ANK2: variants seen among roughly 807,000 people sequenced by gnomAD.
ANK2 encodes the protein ankyrin-2.
A neutral mutation model predicts 360.5 loss-of-function variants in ANK2; 83 were observed. The observed-to-expected ratio is 0.23, with a 90% CI of 0.19 to 0.28. The LOEUF (loss-of-function observed/expected upper bound fraction) is 0.28. Ranked by LOEUF, ANK2 falls within the 10% of genes least tolerant of loss-of-function variation. The probability of loss-of-function intolerance (pLI) is 1.00; values close to 1 mark genes in which losing one functional copy is unlikely to be tolerated. For synonymous variants in ANK2, 1,740 were observed against 1,759.5 expected, an observed-to-expected ratio of 0.99 and a Z score of 0.28; for missense variants, 4,201 against 4,795.7, an observed-to-expected ratio of 0.88 and a Z score of 3.66.
At chr4:113,050,588 CCTT>C (rs1473769156) in intron 1 of ANK2, among the ~76,000 whole-genome samples, 3 of 152,154 alleles carry the variant, frequency 2.0e-5, no homozygotes, top group African/African-American at 7.2e-5. Flanking sequence ...TGGCCTGACT[CCTT>C]CTGGTAAACT....
intron 4 of ANK2, among the ~76,000 whole-genome samples, chr4:113,224,920 C>G (rs1038008612): frequency 1.4e-5 from 2 of 138,748 alleles, no homozygotes; most frequent in East Asian, 4.2e-4. Flanking sequence ...GTAAGAATTC[C>G]TTTTGAGATG....
chr4:112,788,700 T>C, the ANK2 span: 9 of 1,597,522 alleles, frequency 5.6e-6, no homozygotes, highest in Non-Finnish European at 6.8e-6. Context: ...CAACCTGATA[T>C]AGCGGGGCCA....
At chr4:113,371,644 C>A (rs1484279948) in intron 43 of ANK2, among the ~76,000 whole-genome samples, 1 of 152,198 alleles carries the variant, frequency 6.6e-6, no homozygotes, top group African/African-American at 2.4e-5. Flanking sequence ...ACCCTTATTT[C>A]TCATAACCCT....
At chr4:112,961,323 A>G (rs2034688860) in intron 2 of ANK2, among the ~76,000 whole-genome samples, 1 of 152,164 alleles carries the variant, frequency 6.6e-6, no homozygotes, top group Non-Finnish European at 1.5e-5. Flanking sequence ...AGGAGAATAT[A>G]AGGTATTTTT....
rs546064922 is a variant in ANK2 at position 113,342,660 on chromosome 4, A to T, written c.4123-357A>T. The stretch of plus-strand genomic sequence containing the variant: ...GGTTGCAGTGAGCCAAGATCGCACC[A>T]CTGCACTCCAGCCTGGGCAACAGAG... On this transcript the variant is annotated intron_variant, in intron 33 of 45. Coordinates refer to ENST00000357077, the MANE Select transcript of ANK2 (RefSeq NM_001148.6). 3.9e-5 allele frequency among the ~76,000 whole-genome samples: 6 copies of T among 152,046 alleles called. No homozygotes were observed. In the South Asian group the frequency reaches 1.0e-3, roughly 26 times the overall value.
chr4:113,284,341 A>G (rs1004739866), intron 18 of ANK2, among the ~76,000 whole-genome samples: 4 of 152,216 alleles, frequency 2.6e-5, no homozygotes, highest in Admixed American at 6.5e-5. Flanking sequence ...TGTTTACTCT[A>G]TTAATAACAA....
intron 4 of ANK2, among the ~76,000 whole-genome samples, chr4:113,227,556 A>G (rs983523287): frequency 1.4e-4 from 21 of 152,310 alleles, no homozygotes; most frequent in African/African-American, 5.1e-4. Context: ...GGAGACTCCA[A>G]TTCAGTAGGG....
intron 2 of ANK2, among the ~76,000 whole-genome samples, chr4:112,994,065 G>A (rs1301712213): frequency 6.6e-6 from 1 of 152,138 alleles, no homozygotes; most frequent in Non-Finnish European, 1.5e-5. Flanking sequence ...TTGACAGTCT[G>A]GAACATCTCA....
intron 1 of ANK2, among the ~76,000 whole-genome samples, chr4:113,132,450 A>G (rs1398438197): frequency 6.6e-6 from 1 of 152,208 alleles, no homozygotes; most frequent in East Asian, 1.9e-4. Context: ...GATCCTTTTA[A>G]TAAGTATGTG....
At chr4:113,253,864 C>A (rs773674943) in intron 10 of ANK2, among the ~76,000 whole-genome samples, 1 of 152,156 alleles carries the variant, frequency 6.6e-6, no homozygotes, top group Admixed American at 6.5e-5. Context: ...CCAACAGCAC[C>A]CCATGTCTCT....
chr4:112,982,779 A>G (rs1403708804), intron 2 of ANK2, among the ~76,000 whole-genome samples: 1 of 152,184 alleles, frequency 6.6e-6, no homozygotes, highest in Non-Finnish European at 1.5e-5. Context: ...TATACTACTA[A>G]GAACATACTG....
chr4:113,357,994 G>T lies in ANK2; in HGVS notation c.9376G>T (p.Asp3126Tyr). ...TGATATGACCAAAAGGTCCTATGCA[G>T]ATGAAAGTTTTCACTTTTTCCAAAT... ...AIDMTKRSYA[D>Y]ESFHFFQIGQ... is the part of the protein sequence containing the mutation. Residue 3126 changes from aspartate to tyrosine, a missense_variant, in exon 38 of 46, where the codon GAT becomes TAT. Physicochemically the swap from Asp to Tyr is radical, Grantham distance 160. Coordinates refer to ENST00000357077, the MANE Select transcript of ANK2 (RefSeq NM_001148.6). 1 of 1,614,042 alleles carries T rather than the reference G, an allele frequency of 6.2e-7. No homozygotes were observed. Among genetic ancestry groups the T allele is most frequent in the East Asian group, 2.2e-5 (1 of 44,846 alleles).
intron 1 of ANK2, among the ~76,000 whole-genome samples, chr4:112,863,694 T>C (rs149011432): frequency 0.015 from 2,350 of 151,944 alleles, 59 homozygotes; most frequent in African/African-American, 0.051. Flanking sequence ...GGCTAATTTT[T>C]TGTATTTTTA....
At chr4:112,911,851 T>G (rs1034509471) in intron 2 of ANK2, among the ~76,000 whole-genome samples, 1 of 152,214 alleles carries the variant, frequency 6.6e-6, no homozygotes, top group African/African-American at 2.4e-5. Context: ...TAATTGATTA[T>G]TGTGTTAATA....
intron 1 of ANK2, among the ~76,000 whole-genome samples, chr4:112,837,564 G>A (rs923114318): frequency 3.3e-5 from 5 of 152,194 alleles, no homozygotes; most frequent in Non-Finnish European, 7.3e-5. Context: ...AAAAGTGCAG[G>A]CACTCAATAT....
chr4:113,137,731 T>C (rs1184573329), intron 1 of ANK2, among the ~76,000 whole-genome samples: 1 of 152,176 alleles, frequency 6.6e-6, no homozygotes, highest in Non-Finnish European at 1.5e-5. Flanking sequence ...AACTTCTGAC[T>C]GTAAAGATTA....
rs117285156 is a variant in ANK2, at chr4:113,132,394, T to G, written c.85-42022T>G. 6.1e-4 allele frequency among the ~76,000 whole-genome samples: 93 copies of G among 152,340 alleles called. No individual in the cohort carries two copies. In the East Asian group the frequency reaches 0.017, roughly 28 times the overall value. ...GTTTTACTATAGTACATACTTCAAA[T>G]GTACTTAAGGGAATGATCATTTGAA... is the stretch of plus-strand genomic sequence containing the variant. On this transcript the variant is annotated intron_variant, in intron 1 of 45. Transcript: ENST00000357077.
chr4:113,356,583 G>A lies in ANK2; in HGVS notation c.7965G>A (p.Ser2655=), dbSNP rs745838946. ...GTGGTGTCCCTGTGTTAGTAACTTC[G>A]GAGAGCAGGAAGGTGTCTTCCTCCT... is the stretch of plus-strand genomic sequence containing the variant. ...DESGVPVLVT[S]ESRKVSSSSE... Residue 2655 remains serine, a synonymous_variant, in exon 38 of 46, where the codon TCG becomes TCA. Transcript: ENST00000357077. The A allele has an allele frequency of 1.6e-5, 26 of 1,613,920 alleles. No individual in the cohort carries two copies. Among genetic ancestry groups the A allele is most frequent in the South Asian group, 3.3e-5 (3 of 91,088 alleles).
At chr4:113,189,709 G>A (rs1035887374) in intron 2 of ANK2, among the ~76,000 whole-genome samples, 2 of 152,090 alleles carry the variant, frequency 1.3e-5, no homozygotes, top group East Asian at 1.9e-4. Flanking sequence ...CCTTTCCTTC[G>A]AGGTCCTGCC....
Sources: allele counts gnomAD v4.1 joint callset (sites outside exome capture counted in the v4.1 genomes callset), GRCh38; gene constraint gnomAD v4.1.1; transcripts MANE v1.5; gene names NCBI Gene and HGNC (gene_info 2026-07-23, HGNC 2026-07-21).